Variants in ADHFE1 observed in about 807,000 individuals in gnomAD.
The protein encoded by ADHFE1 is hydroxyacid-oxoacid transhydrogenase, mitochondrial.
ADHFE1 carries 37 observed loss-of-function variants against 54.8 expected under a neutral mutation model. That is an observed-to-expected ratio of 0.68 (90% CI 0.52 to 0.89). The LOEUF is 0.89. Among genes scored for constraint, ADHFE1 ranks in the 40% least tolerant of loss-of-function variants. The pLI, the probability that ADHFE1 is intolerant of heterozygous loss-of-function variation, is 0.00. For synonymous variants in ADHFE1, 203 were observed against 229.3 expected (o/e 0.89, Z 1.04); for missense variants, 601 against 591.2 (o/e 1.02, Z -0.17).
chr8:66,468,304 A>G lies in ADHFE1; in HGVS notation c.1356A>G (p.Ser452=), dbSNP rs1193413710. Residue 452 remains serine, a synonymous_variant, in exon 14 of 14, where the codon TCA becomes TCG. Transcript: ENST00000396623. ...CCAAGCTTGCACCCTGTCCCCAGTC[A>G]GAAGAGGATCTGGCTGCTCTGTTTG... The part of the protein sequence containing the change: ...RVTKLAPCPQ[S]EEDLAALFEA... 2 of 1,613,528 alleles carry G rather than the reference A, an allele frequency of 1.2e-6. No homozygotes were observed. The highest frequency in any genetic ancestry group is 1.7e-6 in the Non-Finnish European group (2 of 1,179,682).
At chr8:66,460,105 C>A (rs966614191) in intron 12 of ADHFE1, 5 of 594,822 alleles carry the variant, frequency 8.4e-6, no homozygotes, top group Non-Finnish European at 1.5e-5. Flanking sequence ...GTATGTAGGA[C>A]TTGGCAGCCC....
In ADHFE1 at chr8:66,445,287, T is replaced by G. The variant is rs1234837716; in HGVS notation, c.423T>G (p.Ser141=). The G allele has an allele frequency of 6.2e-7, 1 of 1,613,998 alleles. No homozygotes were observed. The highest frequency in any genetic ancestry group is 8.5e-7 in the Non-Finnish European group (1 of 1,180,006). ...CCTATGTTGCTGTCGGTGGTGGCTC[T>G]ACCATGGACACCTGTAAGGCTGCTA... ...FDAYVAVGGG[S]TMDTCKAANL... The change falls in exon 6 of 14, where the codon TCT becomes TCG. Residue 141 remains serine, a synonymous_variant. Coordinates refer to ENST00000396623, the MANE Select transcript of ADHFE1 (RefSeq NM_144650.3).
intron 12 of ADHFE1, 94 bp from the exon 13 acceptor site, chr8:66,460,214 G>T (rs1806826263): frequency 6.7e-7 from 1 of 1,487,062 alleles, no homozygotes; most frequent in South Asian, 1.2e-5. Flanking sequence ...AGACCCCGTG[G>T]GTGTGCATGG....
At position 66,439,172 on chromosome 8, in the gene ADHFE1, C is replaced by G. The variant is rs1310358650; in HGVS notation, c.60-990C>G. 1.0e-6 allele frequency: 1 copy of G among 983,346 alleles called. No homozygotes were observed. The highest frequency in any genetic ancestry group is 1.2e-6 in the Non-Finnish European group (1 of 828,066). 60.9% of individuals were successfully genotyped at this position (983,346 alleles called of 1,614,324 possible). ...GCAGTTCGAATTTTTGAGATCTGGA[C>G]GGCCACTGAGATCAACCCTTTTCCT... is the stretch of plus-strand genomic sequence containing the variant. On this transcript the variant is annotated intron_variant, in intron 1 of 13. Coordinates refer to ENST00000396623, the MANE Select transcript of ADHFE1 (RefSeq NM_144650.3). This position sits in a 1 kb window ranked among gnomAD's most constrained non-coding sequence, Gnocchi z 4.4.
At chr8:66,460,275 C>T (rs764518674) in intron 12 of ADHFE1, 33 bp from the exon 13 acceptor site, 8 of 1,611,596 alleles carry the variant, frequency 5.0e-6, no homozygotes, top group Non-Finnish European at 6.8e-6. Context: ...GTTTCTTCCT[C>T]TCTCCCTACA....
At chr8:66,468,032 C>T (rs1807291858) in intron 13 of ADHFE1, among the ~76,000 whole-genome samples, 1 of 152,070 alleles carries the variant, frequency 6.6e-6, no homozygotes, top group Non-Finnish European at 1.5e-5. Context: ...AAGGCTGTTG[C>T]CAGGGCGTAA....
chr8:66,436,422 G>T (rs1022543929), intron 1 of ADHFE1, among the ~76,000 whole-genome samples: 1 of 152,158 alleles, frequency 6.6e-6, no homozygotes, highest in South Asian at 2.1e-4. Context: ...GCATACCTGG[G>T]TATGGAACAG....
Position 66,439,660 on chromosome 8 carries a change from G to T in ADHFE1, c.60-502G>T. 2.0e-6 allele frequency: 2 copies of T among 985,930 alleles called. No individual in the cohort carries two copies. Among genetic ancestry groups the T allele is most frequent in the Non-Finnish European group, 2.4e-6 (2 of 830,332 alleles). 61.1% of individuals were successfully genotyped at this position (985,930 alleles called of 1,614,324 possible). On this transcript the variant is annotated intron_variant, in intron 1 of 13. Coordinates refer to ENST00000396623, the MANE Select transcript of ADHFE1 (RefSeq NM_144650.3). This position sits in a 1 kb window ranked among gnomAD's most constrained non-coding sequence, Gnocchi z 4.4. ...CCAGGGAGGTCTTTGGGTCCAGGAAGTTCTCCTGGAGGCTCAGGTCTAGAG... is the reference window on the plus strand; with the variant it reads ...CCAGGGAGGTCTTTGGGTCCAGGAATTTCTCCTGGAGGCTCAGGTCTAGAG...
intron 8 of ADHFE1, 76 bp downstream of exon 8, chr8:66,449,046 G>A: frequency 7.7e-7 from 1 of 1,295,098 alleles, no homozygotes; most frequent in Non-Finnish European, 1.1e-6. Context: ...CAACGCACAT[G>A]CTAAGTATTC....
chr8:66,462,388 T>C (rs954461204), intron 13 of ADHFE1, among the ~76,000 whole-genome samples: 1 of 152,206 alleles, frequency 6.6e-6, no homozygotes, highest in African/African-American at 2.4e-5. Context: ...TAGCCAGCAC[T>C]ATAGGTGTGT....
chr8:66,450,510 C>T (rs576749350), intron 8 of ADHFE1, among the ~76,000 whole-genome samples: 11 of 152,244 alleles, frequency 7.2e-5, no homozygotes, highest in Non-Finnish European at 1.5e-4. Context: ...CTCATTAGGA[C>T]TCCATGGACT....
At chr8:66,454,868 C>A (rs1806492953) in intron 10 of ADHFE1, among the ~76,000 whole-genome samples, 1 of 152,096 alleles carries the variant, frequency 6.6e-6, no homozygotes, top group South Asian at 2.1e-4. Context: ...TGTGCACCAC[C>A]ATGCCCAGCT....
chr8:66,451,876 A>G, intron 8 of ADHFE1, 77 bp from the exon 9 acceptor site: 1 of 1,552,714 alleles, frequency 6.4e-7, no homozygotes, highest in Non-Finnish European at 8.7e-7. Flanking sequence ...AACAGCTCCA[A>G]GACAGGTTGT....
At chr8:66,434,674 G>GCTT (rs1244437136) in intron 1 of ADHFE1, among the ~76,000 whole-genome samples, 1 of 152,216 alleles carries the variant, frequency 6.6e-6, no homozygotes, top group East Asian at 1.9e-4. Context: ...TGCACTCTGG[G>GCTT]CTTCTGCCCA....
At chr8:66,447,482 CA>C in intron 7 of ADHFE1, 141 bp downstream of exon 7, 1 of 692,770 alleles carries the variant, frequency 1.4e-6, no homozygotes, top group Non-Finnish European at 2.4e-6. Flanking sequence ...TGACGAAAGT[CA>C]GCAACAAAGT....
chr8:66,448,757 C>T, intron 7 of ADHFE1, 108 bp from the exon 8 acceptor site: 2 of 1,028,648 alleles, frequency 1.9e-6, no homozygotes, highest in Non-Finnish European at 2.9e-6. Flanking sequence ...TGAAAATGAA[C>T]CTTTTCTCAT....
At chr8:66,453,794 C>T (rs1806432116) in intron 9 of ADHFE1, 6 of 1,427,118 alleles carry the variant, frequency 4.2e-6, no homozygotes, top group Non-Finnish European at 5.6e-6. Context: ...CAGGGACCAG[C>T]GCGTTGCCTC....
At chr8:66,460,916 C>T (rs1806865549) in intron 13 of ADHFE1, among the ~76,000 whole-genome samples, 1 of 152,198 alleles carries the variant, frequency 6.6e-6, no homozygotes, top group South Asian at 2.1e-4. Context: ...TTTCAATTAA[C>T]ACTATCACCA....
chr8:66,439,594 C>G lies in ADHFE1; in HGVS notation c.60-568C>G. 1.0e-6 allele frequency: 1 copy of G among 985,924 alleles called. No homozygotes were observed. Among genetic ancestry groups the G allele is most frequent in the South Asian group, 4.7e-5 (1 of 21,290 alleles). 61.1% of individuals were successfully genotyped at this position (985,924 alleles called of 1,614,324 possible). The stretch of plus-strand genomic sequence containing the variant: ...GCGGCGCGGCGGGGACGGAGGAGAG[C>G]TCGGAGCCCGGGGCTGCAACTGGGC... On this transcript the variant is annotated intron_variant, in intron 1 of 13. Coordinates refer to ENST00000396623, the MANE Select transcript of ADHFE1 (RefSeq NM_144650.3). The surrounding 1 kb of genome is among the most constrained non-coding windows in gnomAD (Gnocchi z 4.4).
Sources: gnomAD v4.1 joint callset for allele counts (sites outside exome capture counted in the v4.1 genomes callset) on GRCh38, gnomAD v4.1.1 for gene constraint, Gnocchi (gnomAD v3.1) non-coding constraint, MANE v1.5 for transcripts, NCBI Gene and HGNC (gene_info 2026-07-23, HGNC 2026-07-21) for gene names.